USP39: variants seen among roughly 807,000 people sequenced by gnomAD.
The protein encoded by USP39 is ubiquitin specific peptidase 39, also known as ubiquitin carboxyl-terminal hydrolase 39.
A neutral mutation model predicts 66.4 loss-of-function variants in USP39; 38 were observed. That is an observed-to-expected ratio of 0.57 (90% CI 0.44 to 0.75). The LOEUF is 0.75. Among genes scored for constraint, USP39 ranks in the 30% least tolerant of loss-of-function variants. The pLI is 0.00. For missense variants in USP39, 608 were observed against 714.4 expected, an observed-to-expected ratio of 0.85 and a Z score of 1.70; for synonymous variants, 303 against 274.6, an observed-to-expected ratio of 1.10 and a Z score of -1.02.
upstream of USP39, chr2:85,609,691 C>CA (rs1673380270): frequency 1.4e-6 from 2 of 1,431,934 alleles, no homozygotes; most frequent in East Asian, 4.6e-5. Context: ...CCCCAGTCTT[C>CA]TTTTTTTTGA....
chr2:85,618,178 A>G (rs1674143229), intron 1 of USP39, among the ~76,000 whole-genome samples: 1 of 150,728 alleles, frequency 6.6e-6, no homozygotes, highest in Admixed American at 6.6e-5. Context: ...CTGGCCTTGA[A>G]CTCCTGACCT....
At chr2:85,633,036 A>C (rs748373565) in intron 6 of USP39, among the ~76,000 whole-genome samples, 28 of 152,110 alleles carry the variant, frequency 1.8e-4, no homozygotes, top group Non-Finnish European at 3.7e-4. Flanking sequence ...CAAGGTGTAG[A>C]TCCTGAGGGA....
intron 6 of USP39, among the ~76,000 whole-genome samples, chr2:85,631,913 T>A (rs1048073281): frequency 6.7e-6 from 1 of 149,784 alleles, no homozygotes; most frequent in Non-Finnish European, 1.5e-5. Flanking sequence ...CATGCCCAGC[T>A]AATTTTTGTA....
chr2:85,627,990 T>C (rs970299453), intron 5 of USP39, among the ~76,000 whole-genome samples: 3 of 152,174 alleles, frequency 2.0e-5, no homozygotes, highest in African/African-American at 7.2e-5. Flanking sequence ...TTAAGTGATA[T>C]TTTTGCCATG....
chr2:85,637,539 G>T, intron 8 of USP39, 103 bp downstream of exon 8: 1 of 1,297,478 alleles, frequency 7.7e-7, no homozygotes, highest in Non-Finnish European at 1.1e-6. Context: ...CTTGCCCTGT[G>T]AAGAGGTTCA....
chr2:85,611,641 G>A, upstream of USP39: 1 of 1,566,838 alleles, frequency 6.4e-7, no homozygotes, highest in Middle Eastern at 1.7e-4. Context: ...CGCGCGGGCT[G>A]GAGGCAGGCG....
At chr2:85,621,234 A>G in intron 2 of USP39, 1 of 359,782 alleles carries the variant, frequency 2.8e-6, no homozygotes, top group East Asian at 4.5e-5. Flanking sequence ...GAAAGTCCTG[A>G]ACTGGTTACA....
intron 9 of USP39, among the ~76,000 whole-genome samples, chr2:85,640,511 TCTC>T (rs1676147340): frequency 6.6e-6 from 1 of 151,010 alleles, no homozygotes; most frequent in Non-Finnish European, 1.5e-5. Flanking sequence ...CTGGTCTCGA[TCTC>T]CTGGCCTCAA....
chr2:85,618,377 C>A (rs901690878), intron 1 of USP39, among the ~76,000 whole-genome samples: 2 of 151,876 alleles, frequency 1.3e-5, no homozygotes, highest in African/African-American at 4.8e-5. Context: ...GCCTGGCCAA[C>A]ATGGTGAAAC....
chr2:85,635,862 G>A (rs186725641), intron 6 of USP39, among the ~76,000 whole-genome samples, 191 bp from the exon 7 acceptor site: 147 of 152,242 alleles, frequency 9.7e-4, no homozygotes, highest in African/African-American at 3.4e-3. Flanking sequence ...AGTCAAGATC[G>A]GAGGAGTGAG....
At chr2:85,646,883 CTTT>C (rs773751290) in intron 11 of USP39, among the ~76,000 whole-genome samples, 8 of 108,526 alleles carry the variant, frequency 7.4e-5, no homozygotes, top group Middle Eastern at 4.8e-3. Flanking sequence ...TGACCTGTTG[CTTT>C]TTTTTTTTTT....
chr2:85,643,797 G>A (rs1384568245), intron 10 of USP39, among the ~76,000 whole-genome samples: 5 of 151,782 alleles, frequency 3.3e-5, no homozygotes, highest in Admixed American at 6.6e-5. Context: ...ACAGGTGCAC[G>A]CCGCCACGCC....
chr2:85,624,175 A>G (rs1380401237), intron 4 of USP39, among the ~76,000 whole-genome samples: 1 of 152,180 alleles, frequency 6.6e-6, no homozygotes, highest in Non-Finnish European at 1.5e-5. Context: ...TGGCCAGAGC[A>G]TCCAGCCACA....
At chr2:85,614,570 G>A (rs1573384668), upstream of USP39, among the ~76,000 whole-genome samples, 1 of 152,250 alleles carries the variant, frequency 6.6e-6, no homozygotes. Flanking sequence ...AGAATAGGGC[G>A]TTCCTGAAAG....
At chr2:85,624,190 T>C (rs556422340) in intron 4 of USP39, among the ~76,000 whole-genome samples, 6 of 151,960 alleles carry the variant, frequency 3.9e-5, no homozygotes, top group African/African-American at 1.4e-4. Flanking sequence ...GCCACAGATA[T>C]CTTATCTGTG....
upstream of USP39, chr2:85,610,465 G>A (rs550015878): frequency 6.6e-6 from 1 of 152,234 alleles, no homozygotes; most frequent in African/African-American, 2.4e-5. Flanking sequence ...ATAGAGCTCT[G>A]CCTGGGTTCA....
At chr2:85,620,827 C>T (rs1435174161) in intron 2 of USP39, among the ~76,000 whole-genome samples, 1 of 152,104 alleles carries the variant, frequency 6.6e-6, no homozygotes, top group Non-Finnish European at 1.5e-5. Context: ...TTAAGAGTTA[C>T]TATTTGAGAA....
chr2:85,626,089 G>C (rs947521733), intron 5 of USP39, among the ~76,000 whole-genome samples: 1 of 151,966 alleles, frequency 6.6e-6, no homozygotes, highest in Non-Finnish European at 1.5e-5. Context: ...GCCAGGCGCA[G>C]TGGCTCATAC....
intron 6 of USP39, among the ~76,000 whole-genome samples, chr2:85,634,796 T>G (rs1481645330): frequency 6.6e-6 from 1 of 152,172 alleles, no homozygotes; most frequent in African/African-American, 2.4e-5. Flanking sequence ...GGACCATGAA[T>G]GGATGGATGA....
Sources: gnomAD v4.1 joint callset for allele counts (sites outside exome capture counted in the v4.1 genomes callset) on GRCh38, gnomAD v4.1.1 for gene constraint, MANE v1.5 for transcripts, NCBI Gene and HGNC (gene_info 2026-07-23, HGNC 2026-07-21) for gene names.